BAZ2B: variants seen among roughly 807,000 people sequenced by gnomAD.
BAZ2B encodes bromodomain adjacent to zinc finger domain protein 2B.
A neutral mutation model predicts 246.0 loss-of-function variants in BAZ2B; 91 were observed. The ratio of observed to expected loss-of-function variants is 0.37; its 90% CI spans 0.31 to 0.44. The LOEUF is 0.44. Ranked by LOEUF, BAZ2B falls within the 20% of genes least tolerant of loss-of-function variation. BAZ2B has a pLI of 1.00. For missense variants in BAZ2B, 2,332 were observed against 2,533.7 expected, an observed-to-expected ratio of 0.92 and a Z score of 1.71; for synonymous variants, 855 against 860.0, an observed-to-expected ratio of 0.99 and a Z score of 0.10.
chr2:159,690,261 C>T, the BAZ2B span: 21 of 358,180 alleles, frequency 5.9e-5, no homozygotes, highest in Middle Eastern at 9.9e-4. Context: ...AGATCAGCCA[C>T]TTTCGTCTTG....
chr2:159,431,249 C>T, intron 9 of BAZ2B, 93 bp from the exon 10 acceptor site: 6 of 1,470,948 alleles, frequency 4.1e-6, no homozygotes, highest in Non-Finnish European at 4.5e-6. Context: ...GGAACCAGCA[C>T]CTGTGAATGA....
intron 13 of BAZ2B, among the ~76,000 whole-genome samples, chr2:159,418,698 G>T (rs150028130): frequency 6.6e-6 from 1 of 151,886 alleles, no homozygotes; most frequent in African/African-American, 2.4e-5. Flanking sequence ...CTAAGTTATT[G>T]ATGACTATTT....
At chr2:159,577,304 G>A (rs1578553847) in intron 1 of BAZ2B, among the ~76,000 whole-genome samples, 1 of 152,114 alleles carries the variant, frequency 6.6e-6, no homozygotes, top group Admixed American at 6.5e-5. Context: ...AACCAGTAGA[G>A]TATGACCTTA....
the BAZ2B span, among the ~76,000 whole-genome samples, chr2:159,646,720 T>A: frequency 6.6e-6 from 1 of 152,240 alleles, no homozygotes; most frequent in African/African-American, 2.4e-5. Context: ...GCAACACTAA[T>A]AGGCCATGGG....
intron 2 of BAZ2B, among the ~76,000 whole-genome samples, chr2:159,512,344 C>T (rs1258519546): frequency 2.0e-5 from 3 of 152,100 alleles, no homozygotes; most frequent in African/African-American, 7.2e-5. Context: ...ATGGCATTGT[C>T]ACCTCAAAAG....
chr2:159,383,568 A>G (rs900302042), intron 24 of BAZ2B, 38 bp downstream of exon 24: 4 of 1,534,546 alleles, frequency 2.6e-6, no homozygotes, highest in Non-Finnish European at 9.0e-7. Flanking sequence ...TTGTAGAAAA[A>G]GAAAACAGTA....
chr2:159,515,784 T>G (rs149696867), intron 2 of BAZ2B, among the ~76,000 whole-genome samples: 19 of 152,110 alleles, frequency 1.2e-4, no homozygotes, highest in African/African-American at 4.3e-4. Context: ...TGTTTTTATA[T>G]CATAAGGATC....
At chr2:159,403,524 C>G (rs1449409896) in intron 16 of BAZ2B, among the ~76,000 whole-genome samples, 3 of 152,082 alleles carry the variant, frequency 2.0e-5, no homozygotes, top group African/African-American at 7.2e-5. Flanking sequence ...ACAGAAACAA[C>G]AGTATTTCAC....
intron 3 of BAZ2B, among the ~76,000 whole-genome samples, chr2:159,477,589 A>G (rs1315573096): frequency 6.6e-6 from 1 of 152,078 alleles, no homozygotes; most frequent in Admixed American, 6.5e-5. Context: ...TTCCATTTTA[A>G]TTCTGAATAA....
chr2:159,602,404 G>C (rs1428578105), intron 1 of BAZ2B, among the ~76,000 whole-genome samples: 1 of 152,056 alleles, frequency 6.6e-6, no homozygotes. Context: ...AAATCTAGTT[G>C]TTAAAAACAA....
At chr2:159,595,260 A>C (rs1406181874) in intron 1 of BAZ2B, among the ~76,000 whole-genome samples, 1 of 151,588 alleles carries the variant, frequency 6.6e-6, no homozygotes, top group Non-Finnish European at 1.5e-5. Flanking sequence ...GCACCACCAC[A>C]CCTGGCTAAT....
At chr2:159,326,186 G>T (rs1285450578) in intron 34 of BAZ2B, among the ~76,000 whole-genome samples, 1 of 152,124 alleles carries the variant, frequency 6.6e-6, no homozygotes, top group Non-Finnish European at 1.5e-5. Flanking sequence ...TCTACAGAAG[G>T]TGTCTGTAGT....
chr2:159,631,497 A>G, the BAZ2B span, among the ~76,000 whole-genome samples: 1 of 152,202 alleles, frequency 6.6e-6, no homozygotes, highest in South Asian at 2.1e-4. Flanking sequence ...GGGTCAAGAA[A>G]TATTCAAAAA....
chr2:159,689,922 G>A, the BAZ2B span: 1 of 375,966 alleles, frequency 2.7e-6, no homozygotes, highest in Non-Finnish European at 4.9e-6. Context: ...AACAGATGAA[G>A]CAAGTAACTA....
chr2:159,451,433 C>A (rs755097744), intron 4 of BAZ2B, among the ~76,000 whole-genome samples: 40 of 152,080 alleles, frequency 2.6e-4, no homozygotes, highest in Non-Finnish European at 4.7e-4. Context: ...ATTTGGTTAC[C>A]CTTCTGAATA....
chr2:159,545,565 A>C (rs997185214), intron 2 of BAZ2B, among the ~76,000 whole-genome samples: 2 of 151,846 alleles, frequency 1.3e-5, no homozygotes, highest in Admixed American at 1.3e-4. Flanking sequence ...AAAAGGCAAA[A>C]AATGTCACTA....
intron 3 of BAZ2B, chr2:159,462,348 T>C (rs1422564049): frequency 3.8e-6 from 4 of 1,063,140 alleles, no homozygotes; most frequent in Non-Finnish European, 5.6e-6. Flanking sequence ...GACCACATGT[T>C]GAATCCTTGT....
At chr2:159,671,363 A>T in the BAZ2B span, among the ~76,000 whole-genome samples, 1 of 152,208 alleles carries the variant, frequency 6.6e-6, no homozygotes, top group Admixed American at 6.5e-5. Flanking sequence ...AGGGTGATAC[A>T]TATTAAGACA....
chr2:159,319,451 T>G lies in BAZ2B; in HGVS notation c.*814A>C, dbSNP rs1008522347. 1 of 152,662 alleles carries G rather than the reference T, an allele frequency of 6.6e-6. No homozygotes were observed. The highest frequency in any genetic ancestry group is 1.5e-5 in the Non-Finnish European group (1 of 68,038). The allele number at this position is 152,662 out of a possible 1,614,324, so 9.5% of individuals were successfully genotyped here. On this transcript the variant is annotated 3_prime_UTR_variant, in exon 37 of 37. Coordinates refer to ENST00000392783, the MANE Select transcript of BAZ2B (RefSeq NM_013450.4). The surrounding 1 kb of genome is among the most constrained non-coding windows in gnomAD (Gnocchi z 4.0). The stretch of plus-strand genomic sequence containing the variant: ...ATAATTACTGTACAGACTGTATAGC[T>G]ATCATTACCTTCAGACGAAAATAAA...
Sources: allele counts gnomAD v4.1 joint callset (sites outside exome capture counted in the v4.1 genomes callset), GRCh38; gene constraint gnomAD v4.1.1; non-coding constraint Gnocchi (gnomAD v3.1); transcripts MANE v1.5; gene names NCBI Gene and HGNC (gene_info 2026-07-23, HGNC 2026-07-21).